The following CDH20 variants were observed in gnomAD, a reference collection of about 807,000 sequenced individuals.
CDH20 encodes the protein cadherin-20.
A neutral mutation model predicts 74.2 loss-of-function variants in CDH20; 29 were observed. The ratio of observed to expected loss-of-function variants is 0.39; its 90% CI spans 0.29 to 0.53. The LOEUF (loss-of-function observed/expected upper bound fraction) is 0.53. Among genes scored for constraint, CDH20 ranks in the 20% least tolerant of loss-of-function variants. The probability of loss-of-function intolerance (pLI) is 0.69; values close to 1 mark genes in which losing one functional copy is unlikely to be tolerated. For missense variants in CDH20, 988 were observed against 1,048.3 expected, an observed-to-expected ratio of 0.94 and a Z score of 0.79; for synonymous variants, 469 against 405.4, an observed-to-expected ratio of 1.16 and a Z score of -1.88.
chr18:61,470,372 C>T (rs969823058), intron 1 of CDH20, among the ~76,000 whole-genome samples: 19 of 152,266 alleles, frequency 1.2e-4, no homozygotes, highest in Admixed American at 9.8e-4. Flanking sequence ...CATTTTCCAA[C>T]GGAAAAAGGA....
intron 1 of CDH20, among the ~76,000 whole-genome samples, chr18:61,422,587 C>A (rs7240973): frequency 1.3e-5 from 2 of 151,992 alleles, no homozygotes; most frequent in African/African-American, 2.4e-5. Flanking sequence ...TTTTAAAAAA[C>A]CTCAAACTTT....
At chr18:61,363,785 A>T (rs1222157926) in intron 1 of CDH20, among the ~76,000 whole-genome samples, 1 of 152,216 alleles carries the variant, frequency 6.6e-6, no homozygotes, top group Non-Finnish European at 1.5e-5. Context: ...GATGGTAGTA[A>T]CAGCCTTTTA....
At chr18:61,341,816 C>A (rs527467341) in intron 1 of CDH20, among the ~76,000 whole-genome samples, 4 of 152,234 alleles carry the variant, frequency 2.6e-5, no homozygotes, top group Middle Eastern at 6.8e-3. Context: ...GCATTTAAAG[C>A]AAATAATAGC....
rs181138063 is a variant in CDH20 at position 61,552,446 on chromosome 18, C to G, written c.1901-1744C>G. ...CTGTCTTTATTTTTCAAAAGACGGA[C>G]TAGTTCTATATAAACGGCCTAATTC... On this transcript the variant is annotated intron_variant, in intron 11 of 11. Coordinates refer to ENST00000262717, the MANE Select transcript of CDH20 (RefSeq NM_031891.4). Among the ~76,000 whole-genome samples the G allele has an allele frequency of 2.5e-3, 382 of 151,934 alleles. 2 individuals carry two copies. Among genetic ancestry groups the G allele is most frequent in the Non-Finnish European group, 1.2e-3 (79 of 67,976 alleles).
chr18:61,344,147 A>T lies in CDH20; in HGVS notation c.-153+10320A>T, dbSNP rs76344606. On this transcript the variant is annotated intron_variant, in intron 1 of 11. Coordinates refer to ENST00000262717, the MANE Select transcript of CDH20 (RefSeq NM_031891.4). The stretch of plus-strand genomic sequence containing the variant: ...GATGTACTATTTTCTCTAACCCGCA[A>T]AGTCACTCAGAGGGGTAAATTAGAG... 9.0e-3 allele frequency among the ~76,000 whole-genome samples: 1,374 copies of T among 152,292 alleles called. 18 individuals are homozygous for T. Among genetic ancestry groups the T allele is most frequent in the African/African-American group, 0.032 (1,317 of 41,544 alleles).
chr18:61,384,471 A>G (rs77727501), intron 1 of CDH20, among the ~76,000 whole-genome samples: 3,015 of 152,304 alleles, frequency 0.02, 107 homozygotes, highest in African/African-American at 0.069. Context: ...ACAATGTAGC[A>G]TCTTTTCTCA....
rs1338341674 is a variant in CDH20, at chr18:61,499,947, C to CA, written c.542-429dup. Among the ~76,000 whole-genome samples the CA allele has an allele frequency of 3.1e-4, 47 of 150,692 alleles. 2 individuals are homozygous for CA. In the East Asian group the frequency reaches 5.5e-3, roughly 18 times the overall value. On this transcript the variant is annotated intron_variant, in intron 3 of 11. Coordinates refer to ENST00000262717, the MANE Select transcript of CDH20 (RefSeq NM_031891.4). Reference sequence around the variant, plus strand: ...AAATACCCTGTCTCTACTAAAACACCAAAAAAATTAGCCTGGTGTGGTGGT... The same window carrying CA: ...AAATACCCTGTCTCTACTAAAACACCAAAAAAAATTAGCCTGGTGTGGTGGT...
In CDH20 at chr18:61,478,060, G is replaced by A. The variant is rs115869066; in HGVS notation, c.-152-12342G>A. ...CTAAAAATTAAAAAGTTAGTCAGAC[G>A]TGGTGGCACATGCCTGTAGTCCCAG... On this transcript the variant is annotated intron_variant, in intron 1 of 11. Transcript: ENST00000262717. 9.9e-3 allele frequency among the ~76,000 whole-genome samples: 1,510 copies of A among 152,196 alleles called. 23 individuals are homozygous for A. The highest frequency in any genetic ancestry group is 0.033 in the African/African-American group (1,382 of 41,532).
At chr18:61,388,655 G>A (rs1433578296) in intron 1 of CDH20, among the ~76,000 whole-genome samples, 1 of 152,152 alleles carries the variant, frequency 6.6e-6, no homozygotes, top group Non-Finnish European at 1.5e-5. Flanking sequence ...CTCAGGTGTG[G>A]AAAAACATTT....
At chr18:61,551,352 G>C (rs2144413639) in intron 11 of CDH20, among the ~76,000 whole-genome samples, 1 of 152,244 alleles carries the variant, frequency 6.6e-6, no homozygotes, top group African/African-American at 2.4e-5. Context: ...GAGGGAAAAA[G>C]CCCTGAGGAT....
At chr18:61,443,219 T>G (rs1909089512) in intron 1 of CDH20, among the ~76,000 whole-genome samples, 1 of 152,080 alleles carries the variant, frequency 6.6e-6, no homozygotes, top group Non-Finnish European at 1.5e-5. Context: ...ATCAAATGCC[T>G]CTAAGGGCCA....
intron 1 of CDH20, among the ~76,000 whole-genome samples, chr18:61,337,665 C>T (rs1484515685): frequency 2.0e-5 from 3 of 152,112 alleles, no homozygotes; most frequent in Admixed American, 1.3e-4. Context: ...GTTTTATATT[C>T]GGTAGACTGT....
At chr18:61,413,307 G>A (rs1015976970) in intron 1 of CDH20, among the ~76,000 whole-genome samples, 1 of 151,356 alleles carries the variant, frequency 6.6e-6, no homozygotes, top group Non-Finnish European at 1.5e-5. Flanking sequence ...TGAATGAAAT[G>A]TGCTAAACCT....
At chr18:61,388,230 A>C (rs1911666202) in intron 1 of CDH20, among the ~76,000 whole-genome samples, 1 of 152,160 alleles carries the variant, frequency 6.6e-6, no homozygotes, top group South Asian at 2.1e-4. Context: ...TCTGGCCAAG[A>C]AGAGTGTTCC....
chr18:61,415,526 T>C (rs1260517427), intron 1 of CDH20, among the ~76,000 whole-genome samples: 1 of 152,140 alleles, frequency 6.6e-6, no homozygotes, highest in East Asian at 1.9e-4. Flanking sequence ...TTTGTGCCCC[T>C]AGAAATGTAT....
At chr18:61,373,871 A>AG (rs1911122596) in intron 1 of CDH20, among the ~76,000 whole-genome samples, 1 of 152,146 alleles carries the variant, frequency 6.6e-6, no homozygotes, top group Non-Finnish European at 1.5e-5. Flanking sequence ...TATCTTCTCA[A>AG]GGGAAACAAG....
At chr18:61,510,375 A>G (rs905721608) in intron 6 of CDH20, among the ~76,000 whole-genome samples, 7 of 152,206 alleles carry the variant, frequency 4.6e-5, no homozygotes, top group African/African-American at 1.7e-4. Context: ...ATCACCTGTG[A>G]CAAATGCTGC....
At chr18:61,449,673 A>T (rs1188558817) in intron 1 of CDH20, among the ~76,000 whole-genome samples, 5 of 152,094 alleles carry the variant, frequency 3.3e-5, no homozygotes, top group Non-Finnish European at 5.9e-5. Flanking sequence ...ATAAAGAATT[A>T]GGATGATCCA....
intron 7 of CDH20, among the ~76,000 whole-genome samples, chr18:61,536,131 A>T (rs1912809806): frequency 6.6e-6 from 1 of 152,140 alleles, no homozygotes; most frequent in Non-Finnish European, 1.5e-5. Flanking sequence ...TTTGAATACA[A>T]TTCTTTTTAA....
Sources: gnomAD v4.1 joint callset for allele counts (sites outside exome capture counted in the v4.1 genomes callset) on GRCh38, gnomAD v4.1.1 for gene constraint, MANE v1.5 for transcripts, NCBI Gene and HGNC (gene_info 2026-07-23, HGNC 2026-07-21) for gene names.